Variants in PSG9 observed in about 807,000 individuals in gnomAD.
PSG9 encodes the protein pregnancy-specific beta-1-glycoprotein 9.
PSG9 carries 49 observed loss-of-function variants against 41.9 expected under a neutral mutation model. The ratio of observed to expected loss-of-function variants is 1.17; its 90% CI spans 0.93 to 1.48. The LOEUF (loss-of-function observed/expected upper bound fraction) is 1.48. Ranked by LOEUF, PSG9 falls within the 40% of genes most tolerant of loss-of-function variation. PSG9 has a pLI of 0.00. For synonymous variants in PSG9, 263 were observed against 196.8 expected (o/e 1.34, Z -2.82); for missense variants, 641 against 520.3 (o/e 1.23, Z -2.26).
intron 3 of PSG9, chr19:43,260,409 A>G (rs1455138777): frequency 6.8e-6 from 1 of 147,344 alleles, no homozygotes; most frequent in African/African-American, 2.6e-5. Flanking sequence ...AAGATTCAAA[A>G]TCTAAAATGC....
chr19:43,267,616 G>T (rs540127671), intron 2 of PSG9, among the ~76,000 whole-genome samples, 168 bp downstream of exon 2: 46 of 152,140 alleles, frequency 3.0e-4, no homozygotes, highest in Admixed American at 2.7e-3. Context: ...ATTCTGATCT[G>T]TTGAAATTTG....
At chr19:43,266,317 G>A (rs1233427341) in intron 2 of PSG9, among the ~76,000 whole-genome samples, 2 of 151,878 alleles carry the variant, frequency 1.3e-5, no homozygotes, top group African/African-American at 4.8e-5. Context: ...TGAAGGACAA[G>A]GGACAGGTGT....
At chr19:43,254,551 T>G (rs897299412) in intron 5 of PSG9, among the ~76,000 whole-genome samples, 2 of 145,144 alleles carry the variant, frequency 1.4e-5, no homozygotes, top group Non-Finnish European at 3.0e-5. Flanking sequence ...AGAAGAAAGA[T>G]CTCAGGTCAA....
chr19:43,267,943 A>T lies in PSG9; in HGVS notation c.271T>A (p.Tyr91Asn). 1 of 1,613,644 alleles carries T rather than the reference A, an allele frequency of 6.2e-7. No homozygotes were observed. The highest frequency in any genetic ancestry group is 8.5e-7 in the Non-Finnish European group (1 of 1,179,712). ...SYIVDGKIII[Y>N]GPAYSGRETV... is the part of the protein sequence containing the mutation. ...TCTCTTCCACTGTATGCAGGCCCAT[A>T]TATAATTATTTTACCATCAACTATA... The change falls in exon 2 of 6, where the codon TAT becomes AAT. Residue 91 changes from tyrosine (Y) to asparagine (N), a missense_variant. By Grantham distance (143) the Tyr-to-Asn change is moderately radical (BLOSUM62 -2). Transcript: ENST00000270077.
chr19:43,262,161 A>G (rs772093857), intron 2 of PSG9, 23 bp from the exon 3 acceptor site: 7 of 1,604,402 alleles, frequency 4.4e-6, no homozygotes, highest in Admixed American at 1.7e-5. Flanking sequence ...CAGAGAGAAG[A>G]TTGCCCTGTG....
chr19:43,262,544 T>A (rs551977007), intron 2 of PSG9, among the ~76,000 whole-genome samples: 1 of 152,302 alleles, frequency 6.6e-6, no homozygotes, highest in East Asian at 1.9e-4. Flanking sequence ...ATGTTTTCTC[T>A]GCAGCTTCCC....
rs770667201 is a variant in PSG9 at position 43,259,125 on chromosome 19, G to A, written c.720C>T (p.Pro240=). The A allele has an allele frequency of 1.9e-6, 3 of 1,590,294 alleles. No homozygotes were observed. Among genetic ancestry groups the A allele is most frequent in the South Asian group, 1.1e-5 (1 of 89,856 alleles). Residue 240 remains proline, a synonymous_variant, in exon 4 of 6, where the codon CCC becomes CCT. Coordinates refer to ENST00000270077, the MANE Select transcript of PSG9 (RefSeq NM_002784.5). ...AGTTGTTGATGGTGATGTAGGGGAT[G>A]GGCAGCTTCGCTGTGTGGATAACAG... ...PVTLNLLPKL[P]IPYITINNLN...
At chr19:43,254,581 A>C (rs994294836) in intron 5 of PSG9, among the ~76,000 whole-genome samples, 1 of 146,168 alleles carries the variant, frequency 6.8e-6, no homozygotes, top group African/African-American at 2.6e-5. Flanking sequence ...TTAATACTTC[A>C]GGATATGAAA....
In PSG9 at chr19:43,262,104, G is replaced by T. The variant is rs749137077; in HGVS notation, c.465C>A (p.Asn155Lys). 2.5e-6 allele frequency: 4 copies of T among 1,613,772 alleles called. No individual in the cohort carries two copies. The highest frequency in any genetic ancestry group is 3.3e-5 in the Admixed American group (2 of 59,992). Residue 155 changes from asparagine to lysine, a missense_variant, in exon 3 of 6, where the codon AAC (asparagine) becomes AAA (lysine). Physicochemically the swap from Asn to Lys is moderately conservative, Grantham distance 94. Coordinates refer to ENST00000270077, the MANE Select transcript of PSG9 (RefSeq NM_002784.5). Reference sequence around the variant, plus strand: ...CCTCCATGGCCTCCCTGGGGTTTAAGTTGCTGCTGGAGATGTAGGGCTTGG... The same window carrying T: ...CCTCCATGGCCTCCCTGGGGTTTAATTTGCTGCTGGAGATGTAGGGCTTGG... ...ETPKPYISSSNLNPREAMEAV... is the reference protein window; with the variant it reads ...ETPKPYISSSKLNPREAMEAV...
intron 3 of PSG9, 47 bp downstream of exon 3, chr19:43,261,813 G>A (rs1350721796): frequency 6.2e-7 from 1 of 1,614,044 alleles, no homozygotes; most frequent in Non-Finnish European, 8.5e-7. Flanking sequence ...CTGGCCATGT[G>A]TATTTGGGAT....
rs767615351 is a variant in PSG9 at position 43,257,988 on chromosome 19, T to C, written c.1243+214A>G. On this transcript the variant is annotated intron_variant, in intron 5 of 5. Coordinates refer to ENST00000270077, the MANE Select transcript of PSG9 (RefSeq NM_002784.5). ...CTGATAAAGCCCCCTCCCTACCTTT[T>C]TCAGGCCAGACACAAGGTCAGCCAT... The C allele has an allele frequency of 2.2e-5, 32 of 1,481,300 alleles. 1 individual carries two copies. The highest frequency in any genetic ancestry group is 7.3e-5 in the Admixed American group (3 of 41,038). The allele number at this position is 1,481,300 out of a possible 1,614,324, so 91.8% of individuals were successfully genotyped here.
chr19:43,262,726 G>A (rs1036568832), intron 2 of PSG9, among the ~76,000 whole-genome samples: 2 of 152,152 alleles, frequency 1.3e-5, no homozygotes, highest in African/African-American at 2.4e-5. Context: ...ACAAGGTGGG[G>A]CAGTTTGCAG....
intron 2 of PSG9, among the ~76,000 whole-genome samples, chr19:43,265,067 C>G (rs1968903308): frequency 6.6e-6 from 1 of 150,872 alleles, no homozygotes; most frequent in East Asian, 2.0e-4. Context: ...CTCAGGCTGG[C>G]TGTCCTCACT....
At position 43,268,102 on chromosome 19, in the gene PSG9, T is replaced by C; in HGVS notation, c.112A>G (p.Ile38Val). ...GAAACTTTGGGTGGCTGGGCTTCAATCGTGACTTCGGCAGTGGTGGGCGGG... is the reference window on the plus strand; with the variant it reads ...GAAACTTTGGGTGGCTGGGCTTCAACCGTGACTTCGGCAGTGGTGGGCGGG... ...WNPPTTAEVT[I>V]EAQPPKVSEG... The change falls in exon 2 of 6, where the codon ATT (isoleucine) becomes GTT (valine). Residue 38 changes from isoleucine to valine, a missense_variant. Ile to Val is a conservative substitution (Grantham distance 29). Coordinates refer to ENST00000270077, the MANE Select transcript of PSG9 (RefSeq NM_002784.5). The C allele has an allele frequency of 6.2e-7, 1 of 1,613,138 alleles. No homozygotes were observed. Among genetic ancestry groups the C allele is most frequent in the Non-Finnish European group, 8.5e-7 (1 of 1,179,446 alleles).
intron 3 of PSG9, 189 bp from the exon 4 acceptor site, chr19:43,259,324 C>T (rs2355452): frequency 1.8e-6 from 2 of 1,140,408 alleles, no homozygotes; most frequent in Non-Finnish European, 2.4e-6. Context: ...GCCGCCTGCT[C>T]TGTCTTAGGG....
rs1968480601 is a variant in PSG9, at chr19:43,257,383, C to A, written c.1243+819G>T. 4 of 975,462 alleles carry A rather than the reference C, an allele frequency of 4.1e-6. 1 individual carries two copies. The African/African-American group carries it at 5.6e-5, about 14-fold the overall frequency. 60.4% of individuals were successfully genotyped at this position (975,462 alleles called of 1,614,324 possible). A position where few individuals can be genotyped will look rare whatever the true frequency, so the allele number is the denominator to read the frequency against. ...GTCTTACCCTCTCTATAATTACACA[C>A]TTTTTGGCACTGCCCCTTTCCTGCC... On this transcript the variant is annotated intron_variant, in intron 5 of 5. Transcript: ENST00000270077.
Position 43,260,112 on chromosome 19 carries a change from A to T in PSG9, c.710-977T>A, listed in dbSNP as rs1423032223. 2 of 146,052 alleles carry T rather than the reference A, an allele frequency of 1.4e-5. 1 individual carries two copies. The highest frequency in any genetic ancestry group is 3.0e-5 in the Non-Finnish European group (2 of 67,336). The allele number at this position is 146,052 out of a possible 1,614,324, so 9.0% of individuals were successfully genotyped here. On this transcript the variant is annotated intron_variant, in intron 3 of 5. Transcript: ENST00000270077. The stretch of plus-strand genomic sequence containing the variant: ...ACTCTCTGATCCCCTGGGTTCGACT[A>T]CTCTAGGGACCTCATGTAAGTGGAT...
Position 43,268,017 on chromosome 19 carries a change from A to G in PSG9, c.197T>C (p.Phe66Ser), listed in dbSNP as rs200442637. 1.9e-6 allele frequency: 3 copies of G among 1,613,774 alleles called. No individual in the cohort carries two copies. Among genetic ancestry groups the G allele is most frequent in the Middle Eastern group, 3.3e-4 (2 of 6,082 alleles). The change falls in exon 2 of 6, where the codon TTC becomes TCC. Residue 66 changes from phenylalanine to serine, a missense_variant. Physicochemically the swap from Phe to Ser is radical, Grantham distance 155. Transcript: ENST00000270077. ...HNLPQNLPGYFWYKGEMTDLY... is the reference protein window; with the variant it reads ...HNLPQNLPGYSWYKGEMTDLY... Reference sequence around the variant, plus strand: ...GTCCGTCATTTCCCCTTTGTACCAGAAGTAGCCAGGAAGATTCTGGGGCAA... The same window carrying G: ...GTCCGTCATTTCCCCTTTGTACCAGGAGTAGCCAGGAAGATTCTGGGGCAA...
At chr19:43,254,458 C>T (rs1255804927) in intron 5 of PSG9, among the ~76,000 whole-genome samples, 1 of 146,228 alleles carries the variant, frequency 6.8e-6, no homozygotes, top group Admixed American at 6.8e-5. Context: ...ACTCTCATTG[C>T]AATTTTCAGG....
Sources: allele counts gnomAD v4.1 joint callset (sites outside exome capture counted in the v4.1 genomes callset), GRCh38; gene constraint gnomAD v4.1.1; transcripts MANE v1.5; gene names NCBI Gene and HGNC (gene_info 2026-07-23, HGNC 2026-07-21).